Variants in BORCS5 observed in about 807,000 individuals in gnomAD.
The protein encoded by BORCS5 is BLOC-1 related complex subunit 5, also known as BLOC-1-related complex subunit 5.
Under a neutral mutation model 22.1 loss-of-function variants are expected in BORCS5, and 17 were observed. The ratio of observed to expected loss-of-function variants is 0.77; its 90% CI spans 0.53 to 1.15. The LOEUF (loss-of-function observed/expected upper bound fraction) is 1.15, where lower values mean the gene tolerates loss of function less well. BORCS5 is among the 50% of genes most tolerant of loss of function. The pLI, the probability that BORCS5 is intolerant of heterozygous loss-of-function variation, is 0.00. For synonymous variants in BORCS5, 117 were observed against 99.8 expected (o/e 1.17, Z -1.03); for missense variants, 247 against 253.2 (o/e 0.98, Z 0.17).
Position 12,468,296 on chromosome 12 carries a change from A to G in BORCS5, c.*2520A>G, listed in dbSNP as rs1755912651. On this transcript the variant is annotated 3_prime_UTR_variant, in exon 4 of 4. Coordinates refer to ENST00000314565, the MANE Select transcript of BORCS5 (RefSeq NM_058169.6). ...AGTCCTTTCCCTCTCATGTTTTGCT[A>G]TTTCCTGATGGAACCTGGGAGTCTG... 6.6e-6 allele frequency: 1 copy of G among 152,036 alleles called. No homozygotes were observed. The highest frequency in any genetic ancestry group is 2.4e-5 in the African/African-American group (1 of 41,368). The allele number at this position is 152,036 out of a possible 1,614,324, so 9.4% of individuals were successfully genotyped here. A position where few individuals can be genotyped will look rare whatever the true frequency, so the allele number is the denominator to read the frequency against.
At position 12,390,055 on chromosome 12, in the gene BORCS5, A is replaced by G. The variant is rs182845894; in HGVS notation, c.202+28706A>G. Among the ~76,000 whole-genome samples the G allele has an allele frequency of 1.6e-4, 25 of 152,220 alleles. No homozygotes were observed. In the East Asian group the frequency reaches 1.9e-3, roughly 12 times the overall value. ...CTCTAAACTTTGCCCATGCCCTTCT[A>G]TCTGATAAAAAGCCATCTTTTCCAC... On this transcript the variant is annotated intron_variant, in intron 2 of 3. Transcript: ENST00000314565.
At chr12:12,360,751 C>T (rs1274309919) in intron 1 of BORCS5, among the ~76,000 whole-genome samples, 3 of 151,594 alleles carry the variant, frequency 2.0e-5, no homozygotes, top group Admixed American at 6.6e-5. Context: ...GACAGAGTCT[C>T]ACTCTGTTGC....
intron 2 of BORCS5, among the ~76,000 whole-genome samples, chr12:12,376,703 A>G (rs1212230239): frequency 6.6e-6 from 1 of 152,234 alleles, no homozygotes; most frequent in African/African-American, 2.4e-5. Context: ...GCAAATTAAT[A>G]ATAAATGCCA....
rs972124142 is a variant in BORCS5 at position 12,378,556 on chromosome 12, A to G, written c.202+17207A>G. 3.3e-5 allele frequency among the ~76,000 whole-genome samples: 5 copies of G among 151,886 alleles called. 1 individual carries two copies. Among genetic ancestry groups the G allele is most frequent in the East Asian group, 1.9e-4 (1 of 5,188 alleles). ...ACAAAATAACTAACCGGTTTTCTTT[A>G]TAAGAGTCAAAGTCTTGAAAGACAA... On this transcript the variant is annotated intron_variant, in intron 2 of 3. Coordinates refer to ENST00000314565, the MANE Select transcript of BORCS5 (RefSeq NM_058169.6).
At chr12:12,454,558 G>A (rs903166158) in intron 3 of BORCS5, among the ~76,000 whole-genome samples, 3 of 152,224 alleles carry the variant, frequency 2.0e-5, no homozygotes, top group African/African-American at 7.2e-5. Context: ...TAGGCTGACT[G>A]CTTCCTAATT....
intron 3 of BORCS5, among the ~76,000 whole-genome samples, chr12:12,462,244 C>G (rs1340070742): frequency 2.0e-5 from 3 of 152,210 alleles, no homozygotes; most frequent in Admixed American, 6.5e-5. Context: ...ATTTAATCCT[C>G]AGGACAGTCT....
intron 2 of BORCS5, among the ~76,000 whole-genome samples, chr12:12,429,770 G>A (rs1459351426): frequency 6.6e-6 from 1 of 152,178 alleles, no homozygotes; most frequent in Non-Finnish European, 1.5e-5. Flanking sequence ...TGGGCCCTCT[G>A]CTTCAGCCAC....
intron 2 of BORCS5, among the ~76,000 whole-genome samples, chr12:12,427,250 G>A (rs56915387): frequency 2.1e-5 from 3 of 140,252 alleles, no homozygotes; most frequent in African/African-American, 7.9e-5. Flanking sequence ...GCACAATCTC[G>A]GCTCACTGCA....
At chr12:12,409,248 T>TGTATATTA (rs1941661524) in intron 2 of BORCS5, among the ~76,000 whole-genome samples, 1 of 152,068 alleles carries the variant, frequency 6.6e-6, no homozygotes, top group Non-Finnish European at 1.5e-5. Flanking sequence ...TACTTTAAGT[T>TGTATATTA]TTAGGGTACA....
intron 2 of BORCS5, among the ~76,000 whole-genome samples, chr12:12,384,482 C>T (rs1592071943): frequency 6.7e-6 from 1 of 149,102 alleles, no homozygotes; most frequent in African/African-American, 2.5e-5. Context: ...TTCTTGAGTA[C>T]GAGTCACACT....
intron 2 of BORCS5, among the ~76,000 whole-genome samples, chr12:12,400,997 A>G (rs1941459043): frequency 6.6e-6 from 1 of 151,944 alleles, no homozygotes; most frequent in Non-Finnish European, 1.5e-5. Flanking sequence ...TGTCTCACTT[A>G]TTTTCACTGC....
chr12:12,395,458 T>G (rs961501371), intron 2 of BORCS5, among the ~76,000 whole-genome samples: 2 of 119,692 alleles, frequency 1.7e-5, no homozygotes, highest in Non-Finnish European at 3.4e-5. Flanking sequence ...TTTTTTTTTT[T>G]GTATTTTTAG....
intron 3 of BORCS5, among the ~76,000 whole-genome samples, chr12:12,462,660 T>TTTAATTTA (rs148250196): frequency 6.6e-6 from 1 of 150,952 alleles, no homozygotes; most frequent in Admixed American, 6.6e-5. Context: ...ATTTATTTTA[T>TTTAATTTA]TTTATTTATT....
chr12:12,435,949 A>C (rs975112892), intron 3 of BORCS5, 164 bp downstream of exon 3: 1 of 627,700 alleles, frequency 1.6e-6, no homozygotes, highest in African/African-American at 1.9e-5. Flanking sequence ...GAGCTGGGCT[A>C]ATTTAGAGTT....
At chr12:12,375,133 T>G (rs1254911324) in intron 2 of BORCS5, among the ~76,000 whole-genome samples, 1 of 152,102 alleles carries the variant, frequency 6.6e-6, no homozygotes, top group Admixed American at 6.5e-5. Flanking sequence ...TGACTCAGCC[T>G]CCTGAGTAGC....
chr12:12,469,512 A>G lies in BORCS5; in HGVS notation c.*3736A>G, dbSNP rs748255157. On this transcript the variant is annotated 3_prime_UTR_variant, in exon 4 of 4. Transcript: ENST00000314565. ...GTACTGTTACCCTTACGTTATAGGT[A>G]TTACAAACTCGGTTTTACAAGGTTA... 1 of 152,268 alleles carries G rather than the reference A, an allele frequency of 6.6e-6. No homozygotes were observed. Among genetic ancestry groups the G allele is most frequent in the Non-Finnish European group, 1.5e-5 (1 of 68,056 alleles). 9.4% of individuals were successfully genotyped at this position (152,268 alleles called of 1,614,324 possible). A position where few individuals can be genotyped will look rare whatever the true frequency, so the allele number is the denominator to read the frequency against.
rs1417911924 is a variant in BORCS5 at position 12,467,567 on chromosome 12, G to A, written c.*1791G>A. The A allele has an allele frequency of 6.6e-6, 1 of 152,232 alleles. No homozygotes were observed. Among genetic ancestry groups the A allele is most frequent in the Non-Finnish European group, 1.5e-5 (1 of 68,048 alleles). 9.4% of individuals were successfully genotyped at this position (152,232 alleles called of 1,614,324 possible). On this transcript the variant is annotated 3_prime_UTR_variant, in exon 4 of 4. Coordinates refer to ENST00000314565, the MANE Select transcript of BORCS5 (RefSeq NM_058169.6). Reference sequence around the variant, plus strand: ...GACTGGGGTCCTGAGTAGGTGATAGGCTACTTATTACTGGGTGGAAGCGGA... The same window carrying A: ...GACTGGGGTCCTGAGTAGGTGATAGACTACTTATTACTGGGTGGAAGCGGA...
At chr12:12,455,052 T>G (rs1942974108) in intron 3 of BORCS5, among the ~76,000 whole-genome samples, 1 of 152,266 alleles carries the variant, frequency 6.6e-6, no homozygotes, top group South Asian at 2.1e-4. Context: ...AGATTGTTAC[T>G]GACTTCAGAA....
At chr12:12,383,390 A>G (rs11054867) in intron 2 of BORCS5, among the ~76,000 whole-genome samples, 10,308 of 151,484 alleles carry the variant, frequency 0.068, 791 homozygotes, top group Non-Finnish European at 0.097. Flanking sequence ...TCTTTTAAAG[A>G]AGTTAAGAGA....
Sources: allele counts gnomAD v4.1 joint callset (sites outside exome capture counted in the v4.1 genomes callset), GRCh38; gene constraint gnomAD v4.1.1; transcripts MANE v1.5; gene names NCBI Gene and HGNC (gene_info 2026-07-23, HGNC 2026-07-21).